FAM13B: variants seen among roughly 807,000 people sequenced by gnomAD.
The protein encoded by FAM13B is protein FAM13B.
FAM13B carries 60 observed loss-of-function variants against 117.3 expected under a neutral mutation model. The observed-to-expected ratio is 0.51, with a 90% CI of 0.42 to 0.63. The LOEUF is 0.63. Among genes scored for constraint, FAM13B ranks in the 30% least tolerant of loss-of-function variants. FAM13B has a pLI of 0.00. For missense variants in FAM13B, 972 were observed against 1,091.9 expected, an observed-to-expected ratio of 0.89 and a Z score of 1.55; for synonymous variants, 332 against 356.1, an observed-to-expected ratio of 0.93 and a Z score of 0.76.
intron 3 of FAM13B, among the ~76,000 whole-genome samples, chr5:138,018,738 A>G (rs1785857832): frequency 6.6e-6 from 1 of 152,072 alleles, no homozygotes; most frequent in Non-Finnish European, 1.5e-5. Context: ...AAATATTCCT[A>G]TCACCCCCAC....
chr5:138,052,147 A>T (rs1345501349), upstream of FAM13B, among the ~76,000 whole-genome samples: 1 of 152,046 alleles, frequency 6.6e-6, no homozygotes, highest in Non-Finnish European at 1.5e-5. Context: ...CAAGTCAGCC[A>T]GGGTTTCCAG....
chr5:137,993,569 T>C (rs1383771656), intron 7 of FAM13B, among the ~76,000 whole-genome samples: 3 of 150,828 alleles, frequency 2.0e-5, no homozygotes, highest in African/African-American at 7.3e-5. Flanking sequence ...TCACTTGAGG[T>C]CAAGAGTTCG....
intron 10 of FAM13B, among the ~76,000 whole-genome samples, chr5:137,981,510 G>A (rs1775742887): frequency 6.6e-6 from 1 of 152,160 alleles, no homozygotes; most frequent in East Asian, 1.9e-4. Context: ...AGGGGGCCAG[G>A]TGCAGTGGCT....
In FAM13B at chr5:137,955,900, A is replaced by G. The variant is rs181124164; in HGVS notation, c.1507+577T>C. Among the ~76,000 whole-genome samples, 10 of 152,204 alleles carry G rather than the reference A, an allele frequency of 6.6e-5. No homozygotes were observed. The East Asian group carries it at 1.9e-3, about 29-fold the overall frequency. On this transcript the variant is annotated intron_variant, in intron 14 of 23. Transcript: ENST00000689681. Reference sequence around the variant, plus strand: ...GCCTGCCTCGGCCTCCCAAAGTGCTAGGATTACAAGCGTGAGCCACCACGC... The same window carrying G: ...GCCTGCCTCGGCCTCCCAAAGTGCTGGGATTACAAGCGTGAGCCACCACGC...
Position 138,019,440 on chromosome 5 carries a change from T to C in FAM13B, c.-35-294A>G, listed in dbSNP as rs539220620. Among the ~76,000 whole-genome samples the C allele has an allele frequency of 5.5e-4, 83 of 152,274 alleles. No individual in the cohort carries two copies. The South Asian group carries it at 7.0e-3, about 13-fold the overall frequency. On this transcript the variant is annotated intron_variant, in intron 2 of 23. Coordinates refer to ENST00000689681, the MANE Select transcript of FAM13B (RefSeq NM_001385994.1). ...AGGCATTAATGTCCCAAAGACAAAT[T>C]AAGGAGCAAATTTGGCTCCAAGAAA...
intron 1 of FAM13B, among the ~76,000 whole-genome samples, chr5:138,025,725 T>C (rs981046638): frequency 6.6e-6 from 1 of 152,124 alleles, no homozygotes; most frequent in Non-Finnish European, 1.5e-5. Context: ...ACAGATTCAA[T>C]GCACTCCCCA....
At chr5:137,976,580 A>C (rs1427776345) in intron 10 of FAM13B, among the ~76,000 whole-genome samples, 1 of 152,240 alleles carries the variant, frequency 6.6e-6, no homozygotes, top group Non-Finnish European at 1.5e-5. Context: ...TGGAGGGACC[A>C]GCTGAAGCCA....
intron 1 of FAM13B, among the ~76,000 whole-genome samples, chr5:138,028,609 G>A (rs1481313284): frequency 1.3e-5 from 2 of 152,274 alleles, no homozygotes; most frequent in East Asian, 3.9e-4. Flanking sequence ...ATGGCCAAGT[G>A]CAGTGGCTCC....
chr5:138,037,711 C>T (rs900627103), upstream of FAM13B, among the ~76,000 whole-genome samples: 45 of 152,126 alleles, frequency 3.0e-4, no homozygotes, highest in Non-Finnish European at 1.2e-4. Context: ...CTGAGCAAGG[C>T]TGTTTGAGTA....
upstream of FAM13B, chr5:138,036,860 CT>C (rs750191671): frequency 5.4e-5 from 18 of 334,262 alleles, no homozygotes; most frequent in South Asian, 2.1e-4. Context: ...TTTTTTTAAA[CT>C]TTTTTTTTCC....
chr5:138,019,416 G>A (rs1049472915), intron 2 of FAM13B, among the ~76,000 whole-genome samples: 5 of 152,174 alleles, frequency 3.3e-5, no homozygotes, highest in South Asian at 2.1e-4. Context: ...TTTAGCAAGA[G>A]GCATTAATGT....
intron 4 of FAM13B, among the ~76,000 whole-genome samples, chr5:138,016,826 C>T (rs1785369878): frequency 6.6e-6 from 1 of 152,130 alleles, no homozygotes; most frequent in South Asian, 2.1e-4. Flanking sequence ...TATGTGTCTG[C>T]AATTCAGCTA....
intron 14 of FAM13B, among the ~76,000 whole-genome samples, chr5:137,955,744 G>C (rs1766334142): frequency 6.6e-6 from 1 of 152,090 alleles, no homozygotes; most frequent in Non-Finnish European, 1.5e-5. Flanking sequence ...CGATTCTCCT[G>C]CCTCAGCCTC....
At chr5:138,039,283 G>T (rs1009141972) in intron 1 of FAM13B, 3 of 152,112 alleles carry the variant, frequency 2.0e-5, no homozygotes, top group African/African-American at 7.2e-5. Flanking sequence ...AGAAAAAACT[G>T]CTCTGAGATT....
rs886600395 is a variant in FAM13B, at chr5:137,938,073, C to T, written c.*2152G>A. 5.9e-5 allele frequency: 9 copies of T among 152,132 alleles called. No individual in the cohort carries two copies. Among genetic ancestry groups the T allele is most frequent in the African/African-American group, 2.2e-4 (9 of 41,412 alleles). The allele number at this position is 152,132 out of a possible 1,614,324, so 9.4% of individuals were successfully genotyped here. A position where few individuals can be genotyped will look rare whatever the true frequency, so the allele number is the denominator to read the frequency against. ...TATATATTATTTGTATATAGATATA[C>T]AGTTTTTATTTGTACCAAAGTAAAA... On this transcript the variant is annotated 3_prime_UTR_variant, in exon 24 of 24. Transcript: ENST00000689681.
chr5:137,973,584 G>A (rs980527478), intron 10 of FAM13B, among the ~76,000 whole-genome samples: 1 of 152,134 alleles, frequency 6.6e-6, no homozygotes, highest in Non-Finnish European at 1.5e-5. Context: ...AAAAGCAACG[G>A]CAACAAAAGC....
At chr5:137,992,790 G>A (rs974774124) in intron 7 of FAM13B, among the ~76,000 whole-genome samples, 1 of 152,212 alleles carries the variant, frequency 6.6e-6, no homozygotes, top group African/African-American at 2.4e-5. Context: ...TAGTAGGGAT[G>A]TAAACTGGAA....
chr5:137,978,077 T>G (rs1479490347), intron 10 of FAM13B, among the ~76,000 whole-genome samples: 2 of 148,294 alleles, frequency 1.3e-5, no homozygotes, highest in African/African-American at 2.5e-5. Context: ...TTGTTTTTTG[T>G]TTTTTTTTCA....
chr5:138,016,053 T>C (rs1011235087), intron 4 of FAM13B, among the ~76,000 whole-genome samples: 2 of 152,252 alleles, frequency 1.3e-5, no homozygotes, highest in Admixed American at 1.3e-4. Context: ...CTTAAATTCC[T>C]TCACAAGTGA....
Sources: allele counts gnomAD v4.1 joint callset (sites outside exome capture counted in the v4.1 genomes callset), GRCh38; gene constraint gnomAD v4.1.1; transcripts MANE v1.5; gene names NCBI Gene and HGNC (gene_info 2026-07-23, HGNC 2026-07-21).